TAS2R1: variants seen among roughly 807,000 people sequenced by gnomAD.
The protein encoded by TAS2R1 is taste 2 receptor member 1.
For synonymous variants in TAS2R1, 141 were observed against 134.2 expected, an observed-to-expected ratio of 1.05 and a Z score of -0.35; for missense variants, 370 against 353.4, an observed-to-expected ratio of 1.05 and a Z score of -0.38.
At chr5:9,728,109 T>C in the TAS2R1 span, among the ~76,000 whole-genome samples, 5 of 152,174 alleles carry the variant, frequency 3.3e-5, no homozygotes, top group Admixed American at 1.3e-4. Flanking sequence ...CTAGATTAAA[T>C]AGAACCCTAG....
chr5:9,686,145 G>T (rs372133530), intron 1 of TAS2R1, among the ~76,000 whole-genome samples: 16 of 152,282 alleles, frequency 1.1e-4, no homozygotes, highest in South Asian at 8.3e-4. Context: ...GATTACAGGC[G>T]TGTGCCACCG....
At chr5:9,744,701 T>C in the TAS2R1 span, among the ~76,000 whole-genome samples, 1 of 152,246 alleles carries the variant, frequency 6.6e-6, no homozygotes. Flanking sequence ...CACATCCTAA[T>C]CCCTGGAACT....
At chr5:9,742,318 C>A in the TAS2R1 span, among the ~76,000 whole-genome samples, 1 of 152,178 alleles carries the variant, frequency 6.6e-6, no homozygotes, top group Non-Finnish European at 1.5e-5. Context: ...AAACTTTAGG[C>A]AGACTCAATA....
chr5:9,848,989 GAGA>G, the TAS2R1 span, among the ~76,000 whole-genome samples: 1 of 152,168 alleles, frequency 6.6e-6, no homozygotes, highest in Non-Finnish European at 1.5e-5. Context: ...ACACTTCCAT[GAGA>G]AGAATACGTT....
At chr5:9,845,596 C>A in the TAS2R1 span, among the ~76,000 whole-genome samples, 1 of 151,972 alleles carries the variant, frequency 6.6e-6, no homozygotes, top group African/African-American at 2.4e-5. Flanking sequence ...AAATTGGGCC[C>A]CAAGTACTTC....
At chr5:9,840,857 A>ATTTTTTTTTTTTTTTTTTTTTTTTT in the TAS2R1 span, among the ~76,000 whole-genome samples, 7 of 132,102 alleles carry the variant, frequency 5.3e-5, 1 homozygote, top group African/African-American at 2.0e-4. Context: ...TTATTTATTT[A>ATTTTTTTTTTTTTTTTTTTTTTTTT]TTTTTTTTTT....
chr5:9,655,181 T>G (rs1363559583), intron 2 of TAS2R1, among the ~76,000 whole-genome samples: 1 of 152,168 alleles, frequency 6.6e-6, no homozygotes, highest in East Asian at 1.9e-4. Flanking sequence ...GAACAGGACA[T>G]GAGGGCCCTT....
chr5:9,828,667 C>T, the TAS2R1 span, among the ~76,000 whole-genome samples: 1 of 152,174 alleles, frequency 6.6e-6, no homozygotes, highest in African/African-American at 2.4e-5. Context: ...ATACTGGAAG[C>T]TAAAAACTGT....
At chr5:9,844,084 C>T in the TAS2R1 span, among the ~76,000 whole-genome samples, 2 of 152,284 alleles carry the variant, frequency 1.3e-5, no homozygotes, top group East Asian at 3.9e-4. Flanking sequence ...TTGGGAATGA[C>T]ATCTCATCAT....
the TAS2R1 span, among the ~76,000 whole-genome samples, chr5:9,868,081 T>C: frequency 5.3e-5 from 8 of 152,340 alleles, no homozygotes; most frequent in East Asian, 1.9e-4. Context: ...CTGGCTGCTT[T>C]CACAGGCTGG....
the TAS2R1 span, among the ~76,000 whole-genome samples, chr5:9,855,964 G>GT: frequency 1.5e-3 from 225 of 148,668 alleles, no homozygotes; most frequent in African/African-American, 4.2e-3. Flanking sequence ...GTGTTTTCTA[G>GT]TTTTTTTTTT....
the TAS2R1 span, among the ~76,000 whole-genome samples, chr5:9,894,352 C>T: frequency 6.6e-6 from 1 of 151,138 alleles, no homozygotes; most frequent in Non-Finnish European, 1.5e-5. Context: ...TGCAGTGAGC[C>T]AAGATCACGC....
At chr5:9,844,405 C>T in the TAS2R1 span, among the ~76,000 whole-genome samples, 9 of 152,298 alleles carry the variant, frequency 5.9e-5, no homozygotes, top group Non-Finnish European at 1.3e-4. Flanking sequence ...TATATTTGCC[C>T]TATTCTTTCT....
At chr5:9,673,348 C>T (rs1443931080) in intron 1 of TAS2R1, among the ~76,000 whole-genome samples, 7 of 152,060 alleles carry the variant, frequency 4.6e-5, no homozygotes, top group Non-Finnish European at 1.0e-4. Flanking sequence ...TTAATATGAT[C>T]ATAATTTAAA....
chr5:9,886,416 A>C, the TAS2R1 span, among the ~76,000 whole-genome samples: 1 of 148,592 alleles, frequency 6.7e-6, no homozygotes, highest in African/African-American at 2.5e-5. Flanking sequence ...CTCACTGCAA[A>C]CTCCACCTCT....
intron 2 of TAS2R1, among the ~76,000 whole-genome samples, chr5:9,636,615 C>A (rs903654195): frequency 1.3e-5 from 2 of 151,990 alleles, no homozygotes; most frequent in African/African-American, 2.4e-5. Flanking sequence ...GTGTTAGGTG[C>A]ATATATATTT....
chr5:9,645,966 A>T (rs2126484535), intron 2 of TAS2R1, among the ~76,000 whole-genome samples: 1 of 152,282 alleles, frequency 6.6e-6, no homozygotes, highest in Middle Eastern at 3.4e-3. Flanking sequence ...GTTTTTTGTC[A>T]CATTGGGTGT....
the TAS2R1 span, among the ~76,000 whole-genome samples, chr5:9,776,096 G>T: frequency 8.3e-4 from 126 of 152,328 alleles, 2 homozygotes; most frequent in South Asian, 0.014. Flanking sequence ...ATGGTGGCAA[G>T]GCTTGTTGGA....
chr5:9,865,687 C>T, the TAS2R1 span, among the ~76,000 whole-genome samples: 1 of 152,190 alleles, frequency 6.6e-6, no homozygotes, highest in East Asian at 1.9e-4. Context: ...TCTAGGTTCA[C>T]AGTTATTTTC....
Sources: gnomAD v4.1 joint callset for allele counts (sites outside exome capture counted in the v4.1 genomes callset) on GRCh38, gnomAD v4.1.1 for gene constraint, MANE v1.5 for transcripts, NCBI Gene and HGNC (gene_info 2026-07-23, HGNC 2026-07-21) for gene names.